EPB41L2: variants seen among roughly 807,000 people sequenced by gnomAD.
EPB41L2 encodes erythrocyte membrane protein band 4.1 like 2.
A neutral mutation model predicts 113.0 loss-of-function variants in EPB41L2; 43 were observed. The ratio of observed to expected loss-of-function variants is 0.38; its 90% CI spans 0.30 to 0.49. The LOEUF (loss-of-function observed/expected upper bound fraction) is 0.49. Ranked by LOEUF, EPB41L2 falls within the 20% of genes least tolerant of loss-of-function variation. EPB41L2 has a pLI of 0.95. For synonymous variants in EPB41L2, 442 were observed against 436.7 expected (o/e 1.01, Z -0.15); for missense variants, 1,147 against 1,223.4 (o/e 0.94, Z 0.93).
chr6:130,909,196 C>T (rs1182234918), intron 4 of EPB41L2, among the ~76,000 whole-genome samples: 2 of 152,200 alleles, frequency 1.3e-5, no homozygotes, highest in Non-Finnish European at 2.9e-5. Context: ...ATAGCCCCTG[C>T]AGACACTGAA....
At chr6:130,850,273 T>C (rs921536634) in intron 19 of EPB41L2, among the ~76,000 whole-genome samples, 3 of 152,186 alleles carry the variant, frequency 2.0e-5, no homozygotes, top group Admixed American at 6.6e-5. Flanking sequence ...CTTCGTGGCA[T>C]ACCAACTCCA....
At chr6:130,966,986 C>A (rs982346832) in intron 1 of EPB41L2, among the ~76,000 whole-genome samples, 9 of 152,146 alleles carry the variant, frequency 5.9e-5, no homozygotes, top group African/African-American at 2.2e-4. Context: ...CACCACTTAC[C>A]CCCAATCTAG....
Position 130,869,615 on chromosome 6 carries a change from T to C in EPB41L2, c.2555A>G (p.Glu852Gly), listed in dbSNP as rs915941948. The C allele has an allele frequency of 1.2e-6, 2 of 1,614,040 alleles. No homozygotes were observed. Among genetic ancestry groups the C allele is most frequent in the African/African-American group, 2.7e-5 (2 of 74,924 alleles). ...AACATCAATGTCAACATGGGACACCTCTCCGTTAACTTTCTGTGGCTCTTC... is the reference window on the plus strand; with the variant it reads ...AACATCAATGTCAACATGGGACACCCCTCCGTTAACTTTCTGTGGCTCTTC... ...AEEEPQKVNG[E>G]VSHVDIDVLP... Residue 852 changes from glutamate (E) to glycine (G), a missense_variant, in exon 15 of 20, where the codon GAG (glutamate) becomes GGG (glycine). Physicochemically the swap from Glu to Gly is moderately conservative, Grantham distance 98. Coordinates refer to ENST00000337057, the MANE Select transcript of EPB41L2 (RefSeq NM_001431.4).
At chr6:130,891,624 T>G (rs960269554) in intron 10 of EPB41L2, among the ~76,000 whole-genome samples, 3 of 152,132 alleles carry the variant, frequency 2.0e-5, no homozygotes, top group African/African-American at 7.2e-5. Context: ...CTAATTTTTG[T>G]ATTTTTTTAA....
chr6:130,995,688 C>CA (rs1489714582), intron 1 of EPB41L2, among the ~76,000 whole-genome samples: 1 of 152,120 alleles, frequency 6.6e-6, no homozygotes, highest in Non-Finnish European at 1.5e-5. Flanking sequence ...ATATCTGAAC[C>CA]AAAATGTGAA....
chr6:130,987,244 T>A (rs1453632831), intron 1 of EPB41L2, among the ~76,000 whole-genome samples: 1 of 152,240 alleles, frequency 6.6e-6, no homozygotes, highest in African/African-American at 2.4e-5. Flanking sequence ...CATATACTTA[T>A]GAGCAGAACT....
intron 4 of EPB41L2, among the ~76,000 whole-genome samples, chr6:130,920,816 A>G (rs1802642509): frequency 6.6e-6 from 1 of 151,952 alleles, no homozygotes. Context: ...GGCCTCTCAA[A>G]TTCTTTACTT....
intron 1 of EPB41L2, among the ~76,000 whole-genome samples, chr6:131,038,790 A>T (rs1002975100): frequency 1.3e-5 from 2 of 152,242 alleles, no homozygotes; most frequent in African/African-American, 4.8e-5. Flanking sequence ...GTAAGTGTTC[A>T]AAGTATTTCA....
At chr6:131,062,285 G>A (rs1214202453) in intron 1 of EPB41L2, 2 of 151,976 alleles carry the variant, frequency 1.3e-5, no homozygotes, top group African/African-American at 4.8e-5. Context: ...CAGGCTGCTG[G>A]GGGCAGCGTC....
rs777860143 is a variant in EPB41L2, at chr6:130,863,650, A to G, written c.2898T>C (p.Ile966=). ...TTAACTTATTTACCTGGTCATGATC[A>G]ATATCTCCATCTCCTGTGATCACAA... ...KRIVITGDGD[I]DHDQALAQAI... is the part of the protein sequence containing the mutation. Residue 966 remains isoleucine (I), a synonymous_variant, in exon 18 of 20, where the codon ATT becomes ATC. Coordinates refer to ENST00000337057, the MANE Select transcript of EPB41L2 (RefSeq NM_001431.4). The G allele has an allele frequency of 4.3e-6, 7 of 1,611,806 alleles. No homozygotes were observed. Among genetic ancestry groups the G allele is most frequent in the South Asian group, 3.3e-5 (3 of 91,020 alleles).
intron 1 of EPB41L2, among the ~76,000 whole-genome samples, chr6:131,048,673 T>C (rs1472959987): frequency 2.0e-5 from 3 of 152,346 alleles, no homozygotes; most frequent in South Asian, 2.1e-4. Flanking sequence ...AGACTGGTCA[T>C]GTGACTGGTA....
Position 130,867,965 on chromosome 6 carries a change from C to T in EPB41L2, c.2608-384G>A, listed in dbSNP as rs1784382606. On this transcript the variant is annotated intron_variant, in intron 15 of 19. Transcript: ENST00000337057. ...ACACACACACACACACACACACACA[C>T]ACACACACTCTCTCTCTCTCTCTCT... is the stretch of plus-strand genomic sequence containing the variant. The T allele has an allele frequency of 4.6e-5, 7 of 152,394 alleles. No homozygotes were observed. The South Asian group carries it at 8.8e-4, about 19-fold the overall frequency. 9.4% of individuals were successfully genotyped at this position (152,394 alleles called of 1,614,324 possible).
intron 12 of EPB41L2, chr6:130,880,700 G>A (rs1333715044): frequency 4.9e-6 from 2 of 406,880 alleles, no homozygotes; most frequent in East Asian, 7.1e-5. Context: ...CTTTGCAAAG[G>A]TGGAATGGAG....
At chr6:130,922,514 T>C (rs547912039) in intron 4 of EPB41L2, among the ~76,000 whole-genome samples, 2 of 152,212 alleles carry the variant, frequency 1.3e-5, no homozygotes, top group Non-Finnish European at 2.9e-5. Flanking sequence ...CTTCTCAGTT[T>C]TTTGCCTGAA....
chr6:131,033,492 A>G (rs1792650999), intron 1 of EPB41L2, among the ~76,000 whole-genome samples: 1 of 152,162 alleles, frequency 6.6e-6, no homozygotes, highest in Admixed American at 6.5e-5. Context: ...TTTGTGCACC[A>G]ATGTTCATAA....
At chr6:130,951,436 T>C (rs1482650653) in intron 3 of EPB41L2, among the ~76,000 whole-genome samples, 2 of 146,990 alleles carry the variant, frequency 1.4e-5, no homozygotes, top group Non-Finnish European at 3.0e-5. Context: ...GTGATTCTCC[T>C]GCCTCAGTCT....
intron 3 of EPB41L2, among the ~76,000 whole-genome samples, chr6:130,929,710 C>A (rs1284383202): frequency 1.3e-5 from 2 of 151,982 alleles, no homozygotes; most frequent in Non-Finnish European, 2.9e-5. Flanking sequence ...AGGTACCTGG[C>A]CCAATTGGCT....
intron 1 of EPB41L2, among the ~76,000 whole-genome samples, chr6:130,975,730 T>TA (rs1192181505): frequency 3.9e-5 from 6 of 152,090 alleles, no homozygotes; most frequent in Non-Finnish European, 5.9e-5. Context: ...AGAAATTTTG[T>TA]AAAAAACCTC....
At chr6:130,893,398 G>T (rs1024614162) in intron 10 of EPB41L2, among the ~76,000 whole-genome samples, 2 of 152,048 alleles carry the variant, frequency 1.3e-5, no homozygotes, top group Non-Finnish European at 2.9e-5. Context: ...AGAAGGGAAG[G>T]TGCATGAAAC....
Sources: gnomAD v4.1 joint callset for allele counts (sites outside exome capture counted in the v4.1 genomes callset) on GRCh38, gnomAD v4.1.1 for gene constraint, MANE v1.5 for transcripts, NCBI Gene and HGNC (gene_info 2026-07-23, HGNC 2026-07-21) for gene names.